Variants in ADGRG6 observed in about 807,000 individuals in gnomAD.
ADGRG6 encodes the protein adhesion G protein-coupled receptor G6.
ADGRG6 carries 84 observed loss-of-function variants against 142.4 expected under a neutral mutation model. That is an observed-to-expected ratio of 0.59 (90% CI 0.49 to 0.71). The LOEUF (loss-of-function observed/expected upper bound fraction) is 0.71. Among genes scored for constraint, ADGRG6 ranks in the 30% least tolerant of loss-of-function variants. The probability of loss-of-function intolerance (pLI) is 0.00; values close to 1 mark genes in which losing one functional copy is unlikely to be tolerated. For synonymous variants in ADGRG6, 521 were observed against 520.5 expected, an observed-to-expected ratio of 1.00 and a Z score of -0.01; for missense variants, 1,367 against 1,466.6, an observed-to-expected ratio of 0.93 and a Z score of 1.11.
intron 7 of ADGRG6, among the ~76,000 whole-genome samples, 159 bp downstream of exon 7, chr6:142,390,502 T>G (rs960427268): frequency 2.0e-5 from 3 of 151,802 alleles, no homozygotes; most frequent in African/African-American, 4.8e-5. Context: ...TCCTTATGCA[T>G]AGGAAGAGAA....
At chr6:142,429,730 C>T (rs1777120994) in intron 22 of ADGRG6, among the ~76,000 whole-genome samples, 1 of 152,128 alleles carries the variant, frequency 6.6e-6, no homozygotes, top group South Asian at 2.1e-4. Flanking sequence ...TCTGCTGTAA[C>T]TAGTTCTTGA....
In ADGRG6 at chr6:142,402,782, C is replaced by G; in HGVS notation, c.1907C>G (p.Ser636Cys). The G allele has an allele frequency of 1.9e-6, 3 of 1,603,738 alleles. No individual in the cohort carries two copies. The highest frequency in any genetic ancestry group is 2.6e-6 in the Non-Finnish European group (3 of 1,172,352). Reference protein sequence around the residue: ...TLGSTLMNIFSNILSSSDSDL... With the variant: ...TLGSTLMNIFCNILSSSDSDL... ...GGCTCAACTCTAATGAATATATTTT[C>G]TAATATCTTAAGCAGTTCAGACAGT... The change falls in exon 13 of 25, where the codon TCT (serine) becomes TGT (cysteine). Residue 636 changes from serine (S) to cysteine (C), a missense_variant. By Grantham distance (112) the Ser-to-Cys change is moderately radical (BLOSUM62 -1). This residue lies in a region of ADGRG6 where 737 missense variants were observed against 746.5 expected (regional missense o/e 0.99). Coordinates refer to ENST00000367609, the MANE Select transcript of ADGRG6 (RefSeq NM_198569.3).
intron 1 of ADGRG6, chr6:142,302,554 C>A: frequency 1.9e-6 from 1 of 520,030 alleles, no homozygotes; most frequent in Non-Finnish European, 3.4e-6. Flanking sequence ...TGTTTTTTTT[C>A]CCCCAGCGAG....
chr6:142,338,013 C>CTTTGTTTTTT (rs766392889), intron 2 of ADGRG6, among the ~76,000 whole-genome samples: 2 of 26,076 alleles, frequency 7.7e-5, no homozygotes, highest in Non-Finnish European at 1.4e-4. Context: ...TGCCTTGTAT[C>CTTTGTTTTTT]TTTGTTTTTT....
At position 142,302,421 on chromosome 6, in the gene ADGRG6, A is replaced by G. The variant is rs1347562465; in HGVS notation, c.2+90A>G. The G allele has an allele frequency of 4.3e-6, 6 of 1,380,630 alleles. No homozygotes were observed. The East Asian group carries it at 1.4e-4, about 33-fold the overall frequency. The allele number at this position is 1,380,630 out of a possible 1,614,324, so 85.5% of individuals were successfully genotyped here. A position where few individuals can be genotyped will look rare whatever the true frequency, so the allele number is the denominator to read the frequency against. On this transcript the variant is annotated intron_variant, in intron 1 of 24. Coordinates refer to ENST00000367609, the MANE Select transcript of ADGRG6 (RefSeq NM_198569.3). ...CCTCCCCGACCACCCCACCCTCAAG[A>G]GAAATGATTTTATAAGGACTTCAAC...
chr6:142,316,200 T>G (rs1408264626), intron 2 of ADGRG6, among the ~76,000 whole-genome samples: 1 of 152,144 alleles, frequency 6.6e-6, no homozygotes, highest in African/African-American at 2.4e-5. Context: ...ATTACATAAT[T>G]TTCTGCAATA....
At chr6:142,341,340 A>G (rs550256321) in intron 2 of ADGRG6, among the ~76,000 whole-genome samples, 11 of 138,668 alleles carry the variant, frequency 7.9e-5, no homozygotes, top group Non-Finnish European at 1.7e-4. Flanking sequence ...CTTCTGCCTC[A>G]CTGGGATTCC....
intron 2 of ADGRG6, among the ~76,000 whole-genome samples, chr6:142,354,702 A>T (rs567918107): frequency 6.6e-6 from 1 of 152,356 alleles, no homozygotes; most frequent in African/African-American, 2.4e-5. Flanking sequence ...TACAGAAAAA[A>T]TGTTTTTGAC....
At chr6:142,379,886 C>A (rs1443188948) in intron 4 of ADGRG6, among the ~76,000 whole-genome samples, 1 of 152,206 alleles carries the variant, frequency 6.6e-6, no homozygotes, top group African/African-American at 2.4e-5. Context: ...CGTGACACAG[C>A]CTCAGGGGGT....
chr6:142,370,394 C>A lies in ADGRG6; in HGVS notation c.670C>A (p.Leu224Ile). ...SFGKAKSGYF[L>I]SISDSKCLLN... is the part of the protein sequence containing the mutation. ...TGGAAAGGCCAAGAGTGGCTACTTT[C>A]TATCCATTTCTGATTCAAAATGTTT... Residue 224 changes from leucine to isoleucine, a missense_variant, in exon 4 of 25, where the codon CTA (leucine) becomes ATA (isoleucine). Physicochemically the swap from Leu to Ile is conservative, Grantham distance 5. Transcript: ENST00000367609. 2 of 1,613,396 alleles carry A rather than the reference C, an allele frequency of 1.2e-6. No homozygotes were observed. Among genetic ancestry groups the A allele is most frequent in the Non-Finnish European group, 1.7e-6 (2 of 1,179,470 alleles).
intron 2 of ADGRG6, among the ~76,000 whole-genome samples, chr6:142,320,028 C>T (rs1258736296): frequency 6.6e-6 from 1 of 151,926 alleles, no homozygotes; most frequent in Non-Finnish European, 1.5e-5. Context: ...CCAGTTTGTT[C>T]ACGTGGAGGT....
At chr6:142,331,372 C>T (rs1025731205) in intron 2 of ADGRG6, among the ~76,000 whole-genome samples, 7 of 152,078 alleles carry the variant, frequency 4.6e-5, no homozygotes, top group Non-Finnish European at 8.8e-5. Context: ...ACATATCCTG[C>T]AGCCCATGGG....
chr6:142,376,209 T>C (rs899882467), intron 4 of ADGRG6, among the ~76,000 whole-genome samples: 2 of 152,186 alleles, frequency 1.3e-5, no homozygotes, highest in African/African-American at 4.8e-5. Flanking sequence ...GTGTAATGAT[T>C]CAAGTTTAGA....
chr6:142,425,792 G>T (rs934418719), intron 22 of ADGRG6, among the ~76,000 whole-genome samples: 1 of 152,272 alleles, frequency 6.6e-6, no homozygotes, highest in African/African-American at 2.4e-5. Flanking sequence ...ACAGTTCCAC[G>T]TGACTGGGGA....
At position 142,437,525 on chromosome 6, in the gene ADGRG6, A is replaced by G. The variant is rs1412129676; in HGVS notation, c.3411A>G (p.Ala1137=). 5.5e-6 allele frequency: 8 copies of G among 1,462,510 alleles called. No individual in the cohort carries two copies. The highest frequency in any genetic ancestry group is 1.7e-4 in the Middle Eastern group (1 of 5,828). 90.6% of individuals were successfully genotyped at this position (1,462,510 alleles called of 1,614,324 possible). ...QHLCCGRFRL[A]DNSDWSKTAT... ...TCTGCTGTGGTAGATTTCGGTTAGCAGATAACTCAGGTAAAGAGTTGTTGA... is the reference window on the plus strand; with the variant it reads ...TCTGCTGTGGTAGATTTCGGTTAGCGGATAACTCAGGTAAAGAGTTGTTGA... Residue 1137 remains alanine, a synonymous_variant, in exon 23 of 25, where the codon GCA becomes GCG. Coordinates refer to ENST00000367609, the MANE Select transcript of ADGRG6 (RefSeq NM_198569.3).
chr6:142,364,007 C>CTT (rs200404780), intron 2 of ADGRG6, among the ~76,000 whole-genome samples: 1 of 143,184 alleles, frequency 7.0e-6, no homozygotes, highest in Non-Finnish European at 1.5e-5. Flanking sequence ...ATTGTGGCAA[C>CTT]TTTTTTTTTT....
chr6:142,380,018 C>T (rs2114920398), intron 4 of ADGRG6, among the ~76,000 whole-genome samples: 1 of 152,154 alleles, frequency 6.6e-6, no homozygotes, highest in Non-Finnish European at 1.5e-5. Flanking sequence ...GGTGGGACAA[C>T]TCAAAGTAGT....
At chr6:142,314,148 T>G (rs1172995256) in intron 2 of ADGRG6, among the ~76,000 whole-genome samples, 2 of 152,202 alleles carry the variant, frequency 1.3e-5, no homozygotes, top group East Asian at 3.8e-4. Context: ...GGCAACTTTC[T>G]AGATAATTTT....
At chr6:142,334,198 G>C (rs1769673519) in intron 2 of ADGRG6, among the ~76,000 whole-genome samples, 1 of 152,090 alleles carries the variant, frequency 6.6e-6, no homozygotes, top group Admixed American at 6.5e-5. Context: ...ACAAAAGATG[G>C]AAGAAATAAT....
Sources: gnomAD v4.1 joint callset for allele counts (sites outside exome capture counted in the v4.1 genomes callset) on GRCh38, gnomAD v4.1.1 for gene constraint, gnomAD v4.1.1 regional missense constraint, MANE v1.5 for transcripts, NCBI Gene and HGNC (gene_info 2026-07-23, HGNC 2026-07-21) for gene names.